VSNL1: variants seen among roughly 807,000 people sequenced by gnomAD.
The protein encoded by VSNL1 is visinin like 1.
In VSNL1, 6 loss-of-function variants were observed where a neutral mutation model predicts 20.4. The observed-to-expected ratio is 0.29, with a 90% CI of 0.16 to 0.58. VSNL1 has a LOEUF of 0.58. VSNL1 is among the 20% of genes least tolerant of loss of function. VSNL1 has a pLI of 0.90. For synonymous variants in VSNL1, 93 were observed against 86.4 expected, an observed-to-expected ratio of 1.08 and a Z score of -0.42; for missense variants, 100 against 234.5, an observed-to-expected ratio of 0.43 and a Z score of 3.75.
At chr2:17,641,844 G>T (rs1665889124) in intron 2 of VSNL1, among the ~76,000 whole-genome samples, 1 of 152,180 alleles carries the variant, frequency 6.6e-6, no homozygotes, top group South Asian at 2.1e-4. Context: ...AAGGGAGAAA[G>T]AGAAGAGAGA....
At chr2:17,597,207 C>A (rs1052051934) in intron 2 of VSNL1, among the ~76,000 whole-genome samples, 4 of 152,218 alleles carry the variant, frequency 2.6e-5, no homozygotes, top group Admixed American at 2.0e-4. Context: ...AGACACCGAA[C>A]TCTGTGTCCC....
chr2:17,547,621 G>A (rs72785715), intron 1 of VSNL1, among the ~76,000 whole-genome samples: 23 of 152,188 alleles, frequency 1.5e-4, no homozygotes, highest in Non-Finnish European at 3.1e-4. Context: ...AAATGAAAAG[G>A]TGGTATGGAT....
intron 1 of VSNL1, among the ~76,000 whole-genome samples, chr2:17,543,194 T>C (rs763921581): frequency 2.0e-5 from 3 of 152,220 alleles, no homozygotes; most frequent in Non-Finnish European, 4.4e-5. Context: ...CCCACCTCTT[T>C]GGATGTTTAG....
At position 17,649,729 on chromosome 2, in the gene VSNL1, C is replaced by T. The variant is rs1009037624; in HGVS notation, c.378+104C>T. 33 of 1,065,340 alleles carry T rather than the reference C, an allele frequency of 3.1e-5. No individual in the cohort carries two copies. In the African/African-American group the frequency reaches 4.4e-4, roughly 14 times the overall value. The allele number at this position is 1,065,340 out of a possible 1,614,324, so 66.0% of individuals were successfully genotyped here. ...GGCTTCTTCTCTCTCTGCTCGAGCCCTGCCAGCTGCACACCACGCCTGGAC... is the reference window on the plus strand; with the variant it reads ...GGCTTCTTCTCTCTCTGCTCGAGCCTTGCCAGCTGCACACCACGCCTGGAC... On this transcript the variant is annotated intron_variant, in intron 3 of 3. Coordinates refer to ENST00000295156, the MANE Select transcript of VSNL1 (RefSeq NM_003385.5). The surrounding 1 kb of genome is among the most constrained non-coding windows in gnomAD (Gnocchi z 6.4).
At chr2:17,601,905 C>T (rs184759630) in intron 2 of VSNL1, among the ~76,000 whole-genome samples, 1 of 152,178 alleles carries the variant, frequency 6.6e-6, no homozygotes, top group African/African-American at 2.4e-5. Context: ...CACCGCACTC[C>T]AGCCTGAATG....
intron 2 of VSNL1, among the ~76,000 whole-genome samples, chr2:17,592,640 CTTTTTTTTTTTTTTTTTTTTTTTT>C (rs55756596): frequency 1.2e-3 from 85 of 70,886 alleles, no homozygotes; most frequent in Non-Finnish European, 2.0e-3. Flanking sequence ...CTCTCTCTCT[CTTTTTTTTTTTTTTTTTTTTTTTT>C]TTTTTTTTTT....
At chr2:17,573,498 G>A (rs1269868595) in intron 1 of VSNL1, among the ~76,000 whole-genome samples, 1 of 152,148 alleles carries the variant, frequency 6.6e-6, no homozygotes, top group Admixed American at 6.5e-5. Flanking sequence ...AAATGAAATG[G>A]AGAACAGAAG....
chr2:17,608,179 G>T (rs1664996177), intron 2 of VSNL1, among the ~76,000 whole-genome samples: 2 of 152,204 alleles, frequency 1.3e-5, no homozygotes, highest in South Asian at 4.1e-4. Flanking sequence ...ACACTGAAAT[G>T]ATTTTCTTTT....
At chr2:17,560,760 T>C (rs945728796) in intron 1 of VSNL1, among the ~76,000 whole-genome samples, 4 of 152,188 alleles carry the variant, frequency 2.6e-5, no homozygotes, top group Non-Finnish European at 4.4e-5. Flanking sequence ...ATTGTAAACT[T>C]TCATTATGTC....
At chr2:17,648,642 G>T (rs1379975010) in intron 2 of VSNL1, among the ~76,000 whole-genome samples, 1 of 152,164 alleles carries the variant, frequency 6.6e-6, no homozygotes, top group African/African-American at 2.4e-5. Context: ...TGCTGTTTGT[G>T]ACTGGCCTAG....
chr2:17,620,862 C>G (rs916575443), intron 2 of VSNL1, among the ~76,000 whole-genome samples: 1 of 152,056 alleles, frequency 6.6e-6, no homozygotes, highest in Non-Finnish European at 1.5e-5. Context: ...TAGAATGAAA[C>G]CTCTCAATTT....
intron 2 of VSNL1, among the ~76,000 whole-genome samples, chr2:17,605,077 C>T (rs1572360258): frequency 6.6e-6 from 1 of 152,304 alleles, no homozygotes; most frequent in Non-Finnish European, 1.5e-5. Context: ...CAATGGCCTT[C>T]ACTTCCCTCA....
chr2:17,540,127 C>G (rs1663244055), upstream of VSNL1: 1 of 152,324 alleles, frequency 6.6e-6, no homozygotes, highest in African/African-American at 2.4e-5. Context: ...AGAAGACCCT[C>G]TGATGAAATG....
At chr2:17,557,911 A>G (rs1282350373) in intron 1 of VSNL1, among the ~76,000 whole-genome samples, 2 of 151,704 alleles carry the variant, frequency 1.3e-5, no homozygotes, top group African/African-American at 4.8e-5. Context: ...GTAGATGTAT[A>G]GGTCATTAGA....
Position 17,655,221 on chromosome 2 carries a change from G to C in VSNL1, c.403G>C (p.Val135Leu), listed in dbSNP as rs762656635. The C allele has an allele frequency of 6.2e-7, 1 of 1,614,130 alleles. No homozygotes were observed. The highest frequency in any genetic ancestry group is 8.5e-7 in the Non-Finnish European group (1 of 1,180,026). Residue 135 changes from valine (V) to leucine (L), a missense_variant, in exon 4 of 4, where the codon GTG becomes CTG. By Grantham distance (32) the Val-to-Leu change is conservative (BLOSUM62 1). Coordinates refer to ENST00000295156, the MANE Select transcript of VSNL1 (RefSeq NM_003385.5). This position sits in a 1 kb window ranked among gnomAD's most constrained non-coding sequence, Gnocchi z 5.2. ...GGCTATCTACAAAATGGTAGGCACT[G>C]TGATCATGATGAAAATGAATGAGGA... Reference protein sequence around the residue: ...IEAIYKMVGTVIMMKMNEDGL... With the variant: ...IEAIYKMVGTLIMMKMNEDGL...
In VSNL1 at chr2:17,655,455, T is replaced by TCTCACACACACA; in HGVS notation, c.*62_*63insTCACACACACAC. 1 of 536,124 alleles carries TCTCACACACACA rather than the reference T, an allele frequency of 1.9e-6. No homozygotes were observed. The highest frequency in any genetic ancestry group is 3.3e-6 in the Non-Finnish European group (1 of 306,254). 33.2% of individuals were successfully genotyped at this position (536,124 alleles called of 1,614,324 possible). ...AATGTTCCATTCAGTCTGCAGCTATTCACACACACACACACACACACACAC... is the reference window on the plus strand; with the variant it reads ...AATGTTCCATTCAGTCTGCAGCTATTCTCACACACACACACACACACACACACACACACACAC... On this transcript the variant is annotated 3_prime_UTR_variant, in exon 4 of 4. Transcript: ENST00000295156. This position sits in a 1 kb window ranked among gnomAD's most constrained non-coding sequence, Gnocchi z 5.2.
In VSNL1 at chr2:17,592,242, T is replaced by C; in HGVS notation, c.162+6T>C. The C allele has an allele frequency of 1.9e-6, 3 of 1,613,384 alleles. No individual in the cohort carries two copies. Among genetic ancestry groups the C allele is most frequent in the Non-Finnish European group, 2.5e-6 (3 of 1,179,474 alleles). ...TTCAGCAGCTCTATGTGAAGGTAAG[T>C]TGTTTTTCAACCTTGTTTTTATTCC... is the stretch of plus-strand genomic sequence containing the variant. On this transcript the variant is annotated splice_donor_region_variant and intron_variant, in intron 2 of 3. Transcript: ENST00000295156.
chr2:17,605,758 T>G (rs549961052), intron 2 of VSNL1, among the ~76,000 whole-genome samples: 8 of 152,166 alleles, frequency 5.3e-5, no homozygotes, highest in Non-Finnish European at 7.4e-5. Context: ...AGCCATCAAA[T>G]TTACTGTTGG....
At chr2:17,551,918 C>G (rs62130451) in intron 1 of VSNL1, among the ~76,000 whole-genome samples, 4,293 of 128,142 alleles carry the variant, frequency 0.034, 62 homozygotes, top group Middle Eastern at 0.09. Flanking sequence ...AAAAAAAAAG[C>G]CCAGGCGTGG....
Sources: allele counts gnomAD v4.1 joint callset (sites outside exome capture counted in the v4.1 genomes callset), GRCh38; gene constraint gnomAD v4.1.1; non-coding constraint Gnocchi (gnomAD v3.1); transcripts MANE v1.5; gene names NCBI Gene and HGNC (gene_info 2026-07-23, HGNC 2026-07-21).